CCSER1: variants seen among roughly 807,000 people sequenced by gnomAD.
CCSER1 encodes serine-rich coiled-coil domain-containing protein 1.
In CCSER1, 41 loss-of-function variants were observed where a neutral mutation model predicts 82.0. That is an observed-to-expected ratio of 0.50 (90% CI 0.39 to 0.65). The LOEUF is 0.65. Ranked by LOEUF, CCSER1 falls within the 30% of genes least tolerant of loss-of-function variation. CCSER1 has a pLI of 0.00. For synonymous variants in CCSER1, 414 were observed against 383.9 expected, an observed-to-expected ratio of 1.08 and a Z score of -0.92; for missense variants, 1,119 against 1,064.2, an observed-to-expected ratio of 1.05 and a Z score of -0.72.
intron 7 of CCSER1, among the ~76,000 whole-genome samples, chr4:90,729,141 G>T (rs1420497643): frequency 6.6e-6 from 1 of 152,034 alleles, no homozygotes; most frequent in Admixed American, 6.6e-5. Flanking sequence ...TTCTTATAAG[G>T]TTAAACAAGT....
chr4:90,481,493 T>C (rs1765954368), intron 5 of CCSER1, among the ~76,000 whole-genome samples: 1 of 152,190 alleles, frequency 6.6e-6, no homozygotes, highest in African/African-American at 2.4e-5. Flanking sequence ...TTCAGTATGA[T>C]ATGGCTGTGG....
In CCSER1 at chr4:90,628,184, C is replaced by T. The variant is rs1315387946; in HGVS notation, c.1884C>T (p.Cys628=). The part of the protein sequence containing the change: ...SLPFRLMLQD[C]TAVKTLLLKM... ...CATTCAGACTGATGTTACAGGACTG[C>T]ACGGCAGTCAAGACGTTATTATTAA... is the stretch of plus-strand genomic sequence containing the variant. The change falls in exon 6 of 11, where the codon TGC becomes TGT. Residue 628 remains cysteine, a synonymous_variant. Coordinates refer to ENST00000509176, the MANE Select transcript of CCSER1 (RefSeq NM_001145065.2). 3 of 1,613,876 alleles carry T rather than the reference C, an allele frequency of 1.9e-6. No homozygotes were observed. The highest frequency in any genetic ancestry group is 2.2e-5 in the East Asian group (1 of 44,862).
At chr4:91,083,141 GCAAAGACTTGGAAC>G (rs957659848) in intron 9 of CCSER1, among the ~76,000 whole-genome samples, 7 of 152,158 alleles carry the variant, frequency 4.6e-5, no homozygotes, top group African/African-American at 1.7e-4. Context: ...ATTCACAATA[GCAAAGACTTGGAAC>G]CAACCCAAAT....
intron 10 of CCSER1, among the ~76,000 whole-genome samples, chr4:91,550,842 A>G (rs1012497118): frequency 4.6e-5 from 7 of 152,200 alleles, no homozygotes; most frequent in African/African-American, 1.4e-4. Flanking sequence ...GCGCAAAGCA[A>G]ACTTCCATCT....
rs180934462 is a variant in CCSER1, at chr4:91,191,431, C to T, written c.2217+105437C>T. Among the ~76,000 whole-genome samples, 116 of 152,274 alleles carry T rather than the reference C, an allele frequency of 7.6e-4. No homozygotes were observed. In the Middle Eastern group the frequency reaches 0.014, roughly 18 times the overall value. On this transcript the variant is annotated intron_variant, in intron 10 of 10. Transcript: ENST00000509176. ...TGTATACTTATAACTGCCCAACCTT[C>T]GAACCTGCTTATTAACTTTTCAGAA...
chr4:90,188,524 G>C (rs1488079395), intron 1 of CCSER1, among the ~76,000 whole-genome samples: 1 of 151,720 alleles, frequency 6.6e-6, no homozygotes, highest in African/African-American at 2.4e-5. Flanking sequence ...GGACTTCTTA[G>C]TATGTATACC....
intron 3 of CCSER1, among the ~76,000 whole-genome samples, chr4:90,319,245 C>A (rs914557692): frequency 2.0e-5 from 3 of 152,124 alleles, no homozygotes; most frequent in Non-Finnish European, 4.4e-5. Flanking sequence ...AAATCAGTCT[C>A]AAAACACCCC....
intron 10 of CCSER1, among the ~76,000 whole-genome samples, chr4:91,447,310 A>G (rs916529317): frequency 6.6e-6 from 1 of 151,996 alleles, no homozygotes; most frequent in African/African-American, 2.4e-5. Flanking sequence ...TCTGTCAATG[A>G]CTAGTGCTCC....
chr4:91,070,495 G>A (rs559467230), intron 9 of CCSER1, among the ~76,000 whole-genome samples: 1 of 152,208 alleles, frequency 6.6e-6, no homozygotes, highest in African/African-American at 2.4e-5. Flanking sequence ...TAACCCCCAG[G>A]CCACGGACCA....
chr4:91,469,583 C>G lies in CCSER1; in HGVS notation c.2218-128989C>G, dbSNP rs899255222. On this transcript the variant is annotated intron_variant, in intron 10 of 10. Transcript: ENST00000509176. ...AAGATTAGGGTGAAAGAGAATCATA[C>G]CAGTCTAGACTAACCTAAGCCCTGG... 2.6e-5 allele frequency among the ~76,000 whole-genome samples: 4 copies of G among 152,222 alleles called. No individual in the cohort carries two copies. In the South Asian group the frequency reaches 8.3e-4, roughly 32 times the overall value.
At chr4:91,022,245 T>C (rs79565682) in intron 9 of CCSER1, among the ~76,000 whole-genome samples, 13,951 of 148,638 alleles carry the variant, frequency 0.094, 831 homozygotes, top group Admixed American at 0.17. Context: ...AGTGAGAACA[T>C]GCGGTGTTTG....
chr4:90,445,159 C>G (rs1271925848), intron 4 of CCSER1, among the ~76,000 whole-genome samples: 2 of 151,990 alleles, frequency 1.3e-5, no homozygotes, highest in Non-Finnish European at 2.9e-5. Context: ...TCTTCAACTT[C>G]AGGATATACA....
At chr4:90,245,381 C>T (rs1193237601) in intron 1 of CCSER1, among the ~76,000 whole-genome samples, 1 of 152,064 alleles carries the variant, frequency 6.6e-6, no homozygotes, top group East Asian at 1.9e-4. Context: ...GTGTCCTCAG[C>T]TGAAACAAGG....
chr4:90,868,205 T>C (rs1195775112), intron 8 of CCSER1, among the ~76,000 whole-genome samples: 1 of 152,066 alleles, frequency 6.6e-6, no homozygotes, highest in Non-Finnish European at 1.5e-5. Flanking sequence ...ATAGTCCGGT[T>C]ATACTCTTTA....
intron 10 of CCSER1, among the ~76,000 whole-genome samples, chr4:91,508,180 C>T (rs6820534): frequency 0.65 from 67,568 of 104,716 alleles, 18,568 homozygotes; most frequent in Middle Eastern, 0.7. Flanking sequence ...TTTTTTTTTT[C>T]CTGATCTTGG....
intron 1 of CCSER1, among the ~76,000 whole-genome samples, chr4:90,271,857 TATA>T (rs1247324397): frequency 4.7e-4 from 15 of 32,088 alleles, no homozygotes; most frequent in African/African-American, 6.4e-4. Context: ...TATATATATA[TATA>T]TATTTTTTTT....
chr4:91,097,467 G>C (rs1236109189), intron 10 of CCSER1, among the ~76,000 whole-genome samples: 1 of 151,952 alleles, frequency 6.6e-6, no homozygotes, highest in Non-Finnish European at 1.5e-5. Flanking sequence ...GTCTTGGCAG[G>C]GATAATGTTG....
At chr4:90,547,103 A>G (rs2153638627) in intron 5 of CCSER1, among the ~76,000 whole-genome samples, 1 of 152,202 alleles carries the variant, frequency 6.6e-6, no homozygotes, top group African/African-American at 2.4e-5. Context: ...TAAAACATAC[A>G]TTAGCGGATA....
chr4:90,175,365 C>G (rs1433614067), intron 1 of CCSER1, among the ~76,000 whole-genome samples: 2 of 151,792 alleles, frequency 1.3e-5, no homozygotes, highest in Non-Finnish European at 2.9e-5. Flanking sequence ...TGTATGCTGG[C>G]CGGAAAAGAT....
Sources: gnomAD v4.1 joint callset for allele counts (sites outside exome capture counted in the v4.1 genomes callset) on GRCh38, gnomAD v4.1.1 for gene constraint, MANE v1.5 for transcripts, NCBI Gene and HGNC (gene_info 2026-07-23, HGNC 2026-07-21) for gene names.